OR3A2: variants seen among roughly 807,000 people sequenced by gnomAD.
OR3A2 encodes olfactory receptor 3A2.
For synonymous variants in OR3A2, 126 were observed against 159.3 expected (o/e 0.79, Z 1.57); for missense variants, 318 against 392.8 (o/e 0.81, Z 1.61).
chr17:3,296,337 A>C (rs2048917805), intron 3 of OR3A2, among the ~76,000 whole-genome samples: 1 of 152,212 alleles, frequency 6.6e-6, no homozygotes, highest in South Asian at 2.1e-4. Context: ...GGATTAAATC[A>C]GTGTTCAGAA....
chr17:3,375,235 T>C (rs1478481135), intron 2 of OR3A2, among the ~76,000 whole-genome samples: 1 of 77,596 alleles, frequency 1.3e-5, no homozygotes, highest in South Asian at 4.7e-4. Context: ...TTTTTCTTTT[T>C]TTTTTTTTTT....
chr17:3,308,199 TC>T (rs1288974902), intron 3 of OR3A2, among the ~76,000 whole-genome samples: 1 of 152,090 alleles, frequency 6.6e-6, no homozygotes, highest in Non-Finnish European at 1.5e-5. Context: ...TGGTTCTGGC[TC>T]CCCCTGGAAG....
At chr17:3,371,806 G>A (rs1177694878) in intron 2 of OR3A2, among the ~76,000 whole-genome samples, 17 of 138,102 alleles carry the variant, frequency 1.2e-4, no homozygotes, top group African/African-American at 3.9e-4. Context: ...TGGCCGGGGC[G>A]GCTGGCCGGG....
chr17:3,358,728 T>TA, intron 2 of OR3A2, among the ~76,000 whole-genome samples: 1 of 151,928 alleles, frequency 6.6e-6, no homozygotes, highest in South Asian at 2.1e-4. Context: ...ATGTGCCATG[T>TA]GGCAACAAGA....
chr17:3,321,343 C>T (rs1410474389), intron 3 of OR3A2, among the ~76,000 whole-genome samples: 1 of 152,152 alleles, frequency 6.6e-6, no homozygotes, highest in African/African-American at 2.4e-5. Context: ...AATATGACTT[C>T]CTTTTTTCCT....
chr17:3,291,441 G>A, intron 3 of OR3A2: 1 of 492,382 alleles, frequency 2.0e-6, no homozygotes. Flanking sequence ...GGCTGGCTTG[G>A]CAGATCCTAT....
At chr17:3,315,673 G>A (rs2049075713) in intron 3 of OR3A2, among the ~76,000 whole-genome samples, 1 of 150,394 alleles carries the variant, frequency 6.6e-6, no homozygotes, top group African/African-American at 2.4e-5. Flanking sequence ...ATTTTGCTAT[G>A]CGGATCTTTA....
At chr17:3,348,121 G>A (rs1387920897) in intron 2 of OR3A2, among the ~76,000 whole-genome samples, 1 of 152,030 alleles carries the variant, frequency 6.6e-6, no homozygotes, top group Admixed American at 6.6e-5. Context: ...ATTTGTTTGA[G>A]TTCATTGTAG....
exon 2 of OR3A2, chr17:3,278,202 T>G: frequency 6.2e-7 from 1 of 1,614,238 alleles, no homozygotes; most frequent in Non-Finnish European, 8.5e-7. Context: ...GGAGAAGGCC[T>G]TCTTTCGGCC....
intron 3 of OR3A2, among the ~76,000 whole-genome samples, chr17:3,301,846 C>T (rs922481269): frequency 2.0e-5 from 3 of 152,048 alleles, no homozygotes; most frequent in African/African-American, 7.2e-5. Context: ...AGTCTTTAAT[C>T]CATCTTGAAT....
Position 3,316,795 on chromosome 17 carries a change from G to A in OR3A2, c.-85+19238C>T, listed in dbSNP as rs138325263. ...CAAAGAATTCAAAACTAAACAGAGT[G>A]ATAATGACTGTGGGTGCAATGAGTT... On this transcript the variant is annotated intron_variant, in intron 3 of 4. Coordinates refer to the OR3A2 transcript ENST00000573491. Among the ~76,000 whole-genome samples, 16 of 152,340 alleles carry A rather than the reference G, an allele frequency of 1.1e-4. No individual in the cohort carries two copies. In the East Asian group the frequency reaches 3.1e-3, roughly 29 times the overall value.
At chr17:3,317,408 A>G (rs1352505292) in intron 3 of OR3A2, among the ~76,000 whole-genome samples, 1 of 152,230 alleles carries the variant, frequency 6.6e-6, no homozygotes, top group Non-Finnish European at 1.5e-5. Flanking sequence ...GAATATAAGG[A>G]CAAATAAATA....
At chr17:3,329,438 G>C (rs1454027911) in intron 3 of OR3A2, among the ~76,000 whole-genome samples, 1 of 145,308 alleles carries the variant, frequency 6.9e-6, no homozygotes, top group Non-Finnish European at 1.5e-5. Flanking sequence ...GTTTAGTCTT[G>C]GGAGAGTGTA....
At chr17:3,348,176 T>C (rs2049385591) in intron 2 of OR3A2, among the ~76,000 whole-genome samples, 1 of 152,130 alleles carries the variant, frequency 6.6e-6, no homozygotes, top group African/African-American at 2.4e-5. Flanking sequence ...TTGTGAAAAT[T>C]TTCTCCCATT....
At chr17:3,330,805 T>G (rs1016852580) in intron 3 of OR3A2, among the ~76,000 whole-genome samples, 13 of 152,108 alleles carry the variant, frequency 8.5e-5, no homozygotes, top group Non-Finnish European at 1.6e-4. Context: ...TTCTTCCTAT[T>G]CTCGATGGTC....
intron 2 of OR3A2, among the ~76,000 whole-genome samples, chr17:3,374,683 C>A (rs888609754): frequency 2.0e-5 from 3 of 152,086 alleles, no homozygotes; most frequent in Non-Finnish European, 4.4e-5. Flanking sequence ...ACATTTTCCC[C>A]CATGGTCCTT....
intron 2 of OR3A2, among the ~76,000 whole-genome samples, chr17:3,354,647 T>C (rs1416249773): frequency 2.0e-5 from 3 of 151,400 alleles, no homozygotes; most frequent in Non-Finnish European, 4.4e-5. Flanking sequence ...TGGTCTTCTC[T>C]CTTTTTTTCT....
intron 3 of OR3A2, among the ~76,000 whole-genome samples, chr17:3,308,993 C>A (rs2049019550): frequency 6.6e-6 from 1 of 152,128 alleles, no homozygotes; most frequent in East Asian, 1.9e-4. Context: ...GCAACCTCCA[C>A]CTCCCAGGTT....
intron 3 of OR3A2, chr17:3,291,475 A>G: frequency 1.7e-6 from 1 of 588,450 alleles, no homozygotes; most frequent in Non-Finnish European, 2.9e-6. Context: ...ATAATTGGAC[A>G]GGGCTGCTTT....
Sources: gnomAD v4.1 joint callset for allele counts (sites outside exome capture counted in the v4.1 genomes callset) on GRCh38, gnomAD v4.1.1 for gene constraint, MANE v1.5 for transcripts, NCBI Gene and HGNC (gene_info 2026-07-23, HGNC 2026-07-21) for gene names.